The following LRRC4C variants were observed in gnomAD, a reference collection of about 807,000 sequenced individuals.
LRRC4C encodes the protein leucine rich repeat containing 4C, also known as leucine-rich repeat-containing protein 4C.
In LRRC4C, 5 loss-of-function variants were observed where a neutral mutation model predicts 33.6. That is an observed-to-expected ratio of 0.15 (90% CI 0.08 to 0.31). LRRC4C has a LOEUF of 0.31. Among genes scored for constraint, LRRC4C ranks in the 10% least tolerant of loss-of-function variants. The probability of loss-of-function intolerance (pLI) is 1.00; values close to 1 mark genes in which losing one functional copy is unlikely to be tolerated. For missense variants in LRRC4C, 560 were observed against 796.7 expected (o/e 0.70, Z 3.58); for synonymous variants, 329 against 302.0 (o/e 1.09, Z -0.93).
intron 3 of LRRC4C, among the ~76,000 whole-genome samples, chr11:40,415,235 C>T (rs973879146): frequency 6.6e-6 from 1 of 152,154 alleles, no homozygotes; most frequent in African/African-American, 2.4e-5. Context: ...TAACAAGAGC[C>T]AGATTCACCA....
intron 2 of LRRC4C, among the ~76,000 whole-genome samples, chr11:40,848,148 T>C (rs1256273956): frequency 6.6e-6 from 1 of 152,074 alleles, no homozygotes; most frequent in African/African-American, 2.4e-5. Context: ...TCTGTCTCCT[T>C]CAATTCTGCT....
chr11:40,210,694 A>G (rs1863532330), intron 5 of LRRC4C, among the ~76,000 whole-genome samples: 1 of 152,202 alleles, frequency 6.6e-6, no homozygotes, highest in Non-Finnish European at 1.5e-5. Flanking sequence ...AGCTCCTGTA[A>G]GAACAATTCC....
intron 1 of LRRC4C, among the ~76,000 whole-genome samples, chr11:40,947,528 A>T (rs545074978): frequency 2.0e-5 from 3 of 152,130 alleles, no homozygotes; most frequent in Admixed American, 6.6e-5. Context: ...TGGTGGGAAT[A>T]GGAATTCTTC....
intron 3 of LRRC4C, among the ~76,000 whole-genome samples, chr11:40,341,695 C>T: frequency 6.6e-6 from 1 of 152,128 alleles, no homozygotes. Flanking sequence ...AATAAAAAAA[C>T]TTTCAAATTG....
chr11:40,815,540 C>T (rs1951672082), intron 2 of LRRC4C, among the ~76,000 whole-genome samples: 1 of 152,132 alleles, frequency 6.6e-6, no homozygotes, highest in Non-Finnish European at 1.5e-5. Flanking sequence ...TCTCAAGAGC[C>T]CTGATTGCTC....
chr11:40,765,228 C>G (rs1161004969), intron 2 of LRRC4C, among the ~76,000 whole-genome samples: 2 of 152,120 alleles, frequency 1.3e-5, no homozygotes, highest in African/African-American at 4.8e-5. Context: ...GAAGATTTCA[C>G]CATTGGTGCC....
In LRRC4C at chr11:40,115,867, T is replaced by C. The variant is rs778552014; in HGVS notation, c.426A>G (p.Gly142=). 1.8e-5 allele frequency: 29 copies of C among 1,613,994 alleles called. No individual in the cohort carries two copies. Among genetic ancestry groups the C allele is most frequent in the Non-Finnish European group, 2.5e-5 (29 of 1,179,986 alleles). Residue 142 remains glycine (G), a synonymous_variant, in exon 7 of 7, where the codon GGA becomes GGG. Transcript: ENST00000528697. The surrounding 1 kb of genome is among the most constrained non-coding windows in gnomAD (Gnocchi z 6.7). ...FDNRLTTIPN[G]AFVYLSKLKE... ...TCAGTTTAGACAAGTATACAAAAGCTCCATTCGGGATGGTAGTAAGACGAT... is the reference window on the plus strand; with the variant it reads ...TCAGTTTAGACAAGTATACAAAAGCCCCATTCGGGATGGTAGTAAGACGAT...
In LRRC4C at chr11:40,556,797, A is replaced by C. The variant is rs187277890; in HGVS notation, c.-270+91345T>G. ...GCTACTTACAAACTGCAAGAGATTAAAAATCAAAAGTTCTATAATACTAAT... is the reference window on the plus strand; with the variant it reads ...GCTACTTACAAACTGCAAGAGATTACAAATCAAAAGTTCTATAATACTAAT... On this transcript the variant is annotated intron_variant, in intron 3 of 6. Coordinates refer to ENST00000528697, the MANE Select transcript of LRRC4C (RefSeq NM_001258419.2). Among the ~76,000 whole-genome samples, 10 of 152,332 alleles carry C rather than the reference A, an allele frequency of 6.6e-5. No individual in the cohort carries two copies. The East Asian group carries it at 1.9e-3, about 29-fold the overall frequency.
At position 41,380,425 on chromosome 11, in the gene LRRC4C, T is replaced by C. The variant is rs566825342; in HGVS notation, c.-496+79006A>G. ...GGAAACTTGAAATGTAGATAGAAAC[T>C]TTTTTTCATGTGCAGCTATGAACAC... On this transcript the variant is annotated intron_variant, in intron 1 of 6. Transcript: ENST00000528697. 3.3e-5 allele frequency among the ~76,000 whole-genome samples: 5 copies of C among 152,220 alleles called. 1 individual carries two copies. The highest frequency in any genetic ancestry group is 1.2e-4 in the African/African-American group (5 of 41,550).
chr11:40,989,685 A>G (rs919258760), intron 1 of LRRC4C, among the ~76,000 whole-genome samples: 1 of 151,826 alleles, frequency 6.6e-6, no homozygotes, highest in Non-Finnish European at 1.5e-5. Context: ...GGTGGGGGAG[A>G]TTTAATCTCC....
intron 1 of LRRC4C, among the ~76,000 whole-genome samples, chr11:41,367,697 G>A (rs958856747): frequency 2.0e-5 from 3 of 151,848 alleles, no homozygotes; most frequent in East Asian, 1.9e-4. Flanking sequence ...TTAGACACTC[G>A]GTATGGGCTC....
At chr11:40,837,451 TA>T (rs1952722382) in intron 2 of LRRC4C, among the ~76,000 whole-genome samples, 2 of 152,154 alleles carry the variant, frequency 1.3e-5, no homozygotes, top group South Asian at 4.1e-4. Context: ...TATGGAAGAA[TA>T]ATAGCAAAAG....
intron 2 of LRRC4C, among the ~76,000 whole-genome samples, chr11:40,865,034 C>T (rs571346500): frequency 1.6e-4 from 24 of 152,206 alleles, no homozygotes; most frequent in African/African-American, 4.8e-4. Flanking sequence ...TTTCATGTCT[C>T]GGCTATTGTG....
At chr11:41,023,205 G>GATAAAATAT (rs1293739295) in intron 1 of LRRC4C, among the ~76,000 whole-genome samples, 1 of 151,722 alleles carries the variant, frequency 6.6e-6, no homozygotes, top group African/African-American at 2.4e-5. Context: ...AAAGATATAA[G>GATAAAATAT]ATAAAATATA....
chr11:41,146,129 A>C (rs900189712), intron 1 of LRRC4C, among the ~76,000 whole-genome samples: 4 of 152,164 alleles, frequency 2.6e-5, no homozygotes, highest in African/African-American at 9.7e-5. Context: ...TCTATTTTGC[A>C]TTTCTTTATA....
intron 1 of LRRC4C, among the ~76,000 whole-genome samples, chr11:41,248,621 T>A (rs1272994572): frequency 6.6e-6 from 1 of 152,142 alleles, no homozygotes; most frequent in Non-Finnish European, 1.5e-5. Context: ...CACCCACAGA[T>A]CTATAATCTT....
At chr11:40,965,017 C>A (rs963956310) in intron 1 of LRRC4C, among the ~76,000 whole-genome samples, 41 of 151,894 alleles carry the variant, frequency 2.7e-4, no homozygotes, top group African/African-American at 9.4e-4. Context: ...TTTCTCCACA[C>A]CCTCTCCAGC....
intron 1 of LRRC4C, among the ~76,000 whole-genome samples, chr11:41,180,622 T>G (rs1441148994): frequency 6.6e-6 from 1 of 152,174 alleles, no homozygotes; most frequent in Non-Finnish European, 1.5e-5. Flanking sequence ...TGACTTACTA[T>G]GCCATTTACC....
intron 1 of LRRC4C, among the ~76,000 whole-genome samples, chr11:40,974,313 C>G (rs915062886): frequency 3.3e-5 from 5 of 152,110 alleles, no homozygotes; most frequent in African/African-American, 1.2e-4. Flanking sequence ...TTCTTGGCCT[C>G]CTGGCTCAGA....
Sources: gnomAD v4.1 joint callset for allele counts (sites outside exome capture counted in the v4.1 genomes callset) on GRCh38, gnomAD v4.1.1 for gene constraint, Gnocchi (gnomAD v3.1) non-coding constraint, MANE v1.5 for transcripts, NCBI Gene and HGNC (gene_info 2026-07-23, HGNC 2026-07-21) for gene names.